The following TLK1 variants were observed in gnomAD, a reference collection of about 807,000 sequenced individuals.
TLK1 encodes the protein serine/threonine-protein kinase tousled-like 1.
Under a neutral mutation model 105.3 loss-of-function variants are expected in TLK1, and 24 were observed. The ratio of observed to expected loss-of-function variants is 0.23; its 90% CI spans 0.17 to 0.32. TLK1 has a LOEUF of 0.32. Ranked by LOEUF, TLK1 falls within the 10% of genes least tolerant of loss-of-function variation. TLK1 has a pLI of 1.00. For synonymous variants in TLK1, 321 were observed against 310.4 expected (o/e 1.03, Z -0.36); for missense variants, 558 against 910.5 (o/e 0.61, Z 4.98).
chr2:171,011,068 A>T (rs1684894247), intron 14 of TLK1, among the ~76,000 whole-genome samples: 1 of 152,136 alleles, frequency 6.6e-6, no homozygotes, highest in Non-Finnish European at 1.5e-5. Context: ...GCAGTGGTGC[A>T]ATCATAGCTT....
chr2:171,115,011 TTTAC>T (rs763423915), intron 2 of TLK1, among the ~76,000 whole-genome samples: 5 of 152,102 alleles, frequency 3.3e-5, no homozygotes, highest in Non-Finnish European at 5.9e-5. Context: ...AACTCCTAAG[TTTAC>T]TTAGTTTGTT....
chr2:171,215,067 A>G lies in TLK1; in HGVS notation c.-6+16078T>C, dbSNP rs117457120. Among the ~76,000 whole-genome samples, 496 of 152,066 alleles carry G rather than the reference A, an allele frequency of 3.3e-3. 18 individuals carry two copies. In the East Asian group the frequency reaches 0.086, roughly 27 times the overall value. On this transcript the variant is annotated intron_variant, in intron 1 of 20. Coordinates refer to the TLK1 transcript ENST00000521943. ...GCAATCCTCCCATCTTAGTCTCCCGAGTAGCTGGGACTACAGGTTGGCAAC... is the reference window on the plus strand; with the variant it reads ...GCAATCCTCCCATCTTAGTCTCCCGGGTAGCTGGGACTACAGGTTGGCAAC...
intron 7 of TLK1, chr2:171,054,354 AAT>A (rs1361308346): frequency 6.6e-6 from 1 of 152,300 alleles, no homozygotes. Context: ...TATGATGTAT[AAT>A]AGTTCCCTTG....
intron 1 of TLK1, among the ~76,000 whole-genome samples, chr2:171,158,534 T>C (rs982209494): frequency 6.6e-6 from 1 of 152,218 alleles, no homozygotes; most frequent in Non-Finnish European, 1.5e-5. Flanking sequence ...TTCAACACTA[T>C]GTCCTCAGTA....
chr2:171,026,012 T>C (rs1261824372), intron 12 of TLK1, among the ~76,000 whole-genome samples: 1 of 152,172 alleles, frequency 6.6e-6, no homozygotes, highest in Non-Finnish European at 1.5e-5. Flanking sequence ...GTTTCAGCAT[T>C]ACTGTTAATC....
chr2:171,004,244 T>C (rs1437718483), intron 18 of TLK1, among the ~76,000 whole-genome samples: 1 of 152,212 alleles, frequency 6.6e-6, no homozygotes, highest in Non-Finnish European at 1.5e-5. Context: ...ATTACAGGCG[T>C]GAGCCACCGT....
intron 1 of TLK1, among the ~76,000 whole-genome samples, chr2:171,157,981 GCTTT>G: frequency 6.6e-6 from 1 of 152,202 alleles, no homozygotes; most frequent in South Asian, 2.1e-4. Context: ...CAGTTAAAAA[GCTTT>G]CTAAAACTTC....
intron 1 of TLK1, among the ~76,000 whole-genome samples, chr2:171,123,631 G>C (rs1690748893): frequency 6.6e-6 from 1 of 152,132 alleles, no homozygotes; most frequent in Non-Finnish European, 1.5e-5. Flanking sequence ...AACATAGGGA[G>C]ACCCTGTCTC....
At chr2:171,006,948 A>G in intron 15 of TLK1, 24 bp downstream of exon 15, 1 of 1,603,854 alleles carries the variant, frequency 6.2e-7, no homozygotes, top group Non-Finnish European at 8.5e-7. Flanking sequence ...CAATTTTAAA[A>G]AACCATAAAG....
rs147569979 is a variant in TLK1, at chr2:171,160,422, C to T, written c.7G>A (p.Val3Ile). The T allele has an allele frequency of 3.7e-5, 59 of 1,603,660 alleles. No individual in the cohort carries two copies. The African/African-American group carries it at 7.4e-4, about 20-fold the overall frequency. MSVQSSSGSLEGP... is the reference protein window; with the variant it reads MSIQSSSGSLEGP... ...TCCAAACTTCCACTGCTACTTTGGA[C>T]ACTCATCAAGCTACTTTCTGGGAAC... The change falls in exon 1 of 21, where the codon GTC (valine) becomes ATC (isoleucine). Residue 3 changes from valine to isoleucine, a missense_variant. This residue lies in a region of TLK1 where 104 missense variants were observed against 116.0 expected (regional missense o/e 0.90). Transcript: ENST00000431350. This position sits in a 1 kb window ranked among gnomAD's most constrained non-coding sequence, Gnocchi z 4.4.
At chr2:171,133,927 C>T (rs183959046) in intron 1 of TLK1, among the ~76,000 whole-genome samples, 91 of 152,086 alleles carry the variant, frequency 6.0e-4, no homozygotes, top group Admixed American at 9.8e-4. Flanking sequence ...CCTCACTCTC[C>T]GGCTCAAGCA....
At chr2:171,143,600 T>G (rs1691677783) in intron 1 of TLK1, among the ~76,000 whole-genome samples, 1 of 145,306 alleles carries the variant, frequency 6.9e-6, no homozygotes, top group Non-Finnish European at 1.5e-5. Flanking sequence ...AGGACTAAAG[T>G]TTCTATATAT....
At chr2:170,997,998 T>A (rs1322087682) in intron 18 of TLK1, among the ~76,000 whole-genome samples, 175 bp from the exon 19 acceptor site, 1 of 152,238 alleles carries the variant, frequency 6.6e-6, no homozygotes, top group African/African-American at 2.4e-5. Flanking sequence ...CATTTAACTC[T>A]AGAGCCAACA....
intron 1 of TLK1, among the ~76,000 whole-genome samples, chr2:171,223,506 C>G (rs1693845366): frequency 8.7e-6 from 1 of 115,430 alleles, no homozygotes; most frequent in African/African-American, 3.5e-5. Flanking sequence ...TTTGGAAGGA[C>G]TCTTACTCTG....
chr2:171,002,514 T>C (rs1684428946), intron 18 of TLK1, among the ~76,000 whole-genome samples: 1 of 152,146 alleles, frequency 6.6e-6, no homozygotes, highest in African/African-American at 2.4e-5. Flanking sequence ...GACCTCGTGA[T>C]CCACCTGCCT....
At chr2:171,123,716 T>C (rs1432723493) in intron 1 of TLK1, among the ~76,000 whole-genome samples, 1 of 152,030 alleles carries the variant, frequency 6.6e-6, no homozygotes, top group African/African-American at 2.4e-5. Context: ...GAGGCTGAGG[T>C]AGGAGAAGCG....
At chr2:171,137,558 T>C (rs1464551927) in intron 1 of TLK1, among the ~76,000 whole-genome samples, 2 of 152,064 alleles carry the variant, frequency 1.3e-5, no homozygotes, top group East Asian at 1.9e-4. Flanking sequence ...AGTTTTAAGA[T>C]AAACTTTCAG....
intron 18 of TLK1, among the ~76,000 whole-genome samples, chr2:171,005,789 C>T (rs1049042846): frequency 6.6e-6 from 1 of 152,004 alleles, no homozygotes; most frequent in African/African-American, 2.4e-5. Context: ...TTTTTGCTTG[C>T]AATAGTTAAA....
At chr2:171,014,804 G>T in intron 13 of TLK1, 47 bp downstream of exon 13, 1 of 1,312,018 alleles carries the variant, frequency 7.6e-7, no homozygotes, top group Non-Finnish European at 1.1e-6. Flanking sequence ...TGGGGGGCGG[G>T]GGTAGTTTTA....
Sources: allele counts gnomAD v4.1 joint callset (sites outside exome capture counted in the v4.1 genomes callset), GRCh38; gene constraint gnomAD v4.1.1; regional missense constraint gnomAD v4.1.1; non-coding constraint Gnocchi (gnomAD v3.1); transcripts MANE v1.5; gene names NCBI Gene and HGNC (gene_info 2026-07-23, HGNC 2026-07-21).